Variants in NCOA6 observed in about 807,000 individuals in gnomAD.
NCOA6 encodes nuclear receptor coactivator 6.
NCOA6 carries 49 observed loss-of-function variants against 171.4 expected under a neutral mutation model. The observed-to-expected ratio is 0.29, with a 90% CI of 0.23 to 0.36. The LOEUF is 0.36. Ranked by LOEUF, NCOA6 falls within the 10% of genes least tolerant of loss-of-function variation. The pLI, the probability that NCOA6 is intolerant of heterozygous loss-of-function variation, is 1.00. For missense variants in NCOA6, 2,248 were observed against 2,554.5 expected (o/e 0.88, Z 2.59); for synonymous variants, 910 against 927.5 (o/e 0.98, Z 0.34).
At chr20:34,800,850 C>G (rs190517030) in intron 1 of NCOA6, among the ~76,000 whole-genome samples, 1 of 152,140 alleles carries the variant, frequency 6.6e-6, no homozygotes, top group African/African-American at 2.4e-5. Context: ...ATCTGCACTA[C>G]AGACTACATG....
chr20:34,739,030 T>C (rs776088195), intron 11 of NCOA6: 11 of 435,966 alleles, frequency 2.5e-5, no homozygotes, highest in African/African-American at 4.0e-5. Flanking sequence ...TCTGGGGAAA[T>C]AGAGCTTCTT....
chr20:34,802,816 T>A (rs904951232), intron 1 of NCOA6, among the ~76,000 whole-genome samples: 1 of 152,056 alleles, frequency 6.6e-6, no homozygotes, highest in African/African-American at 2.4e-5. Flanking sequence ...CACATTTTTG[T>A]TTGTTTTAGT....
At chr20:34,819,091 G>A (rs567667399) in intron 1 of NCOA6, among the ~76,000 whole-genome samples, 8 of 152,088 alleles carry the variant, frequency 5.3e-5, no homozygotes, top group Non-Finnish European at 1.2e-4. Flanking sequence ...CTTAGAAATA[G>A]GTTTTAGTAT....
intron 10 of NCOA6, 105 bp from the exon 11 acceptor site, chr20:34,743,446 G>A: frequency 3.3e-6 from 4 of 1,214,286 alleles, no homozygotes; most frequent in Non-Finnish European, 4.6e-6. Flanking sequence ...CACAGACTAT[G>A]CACAAACAGC....
rs1321460684 is a variant in NCOA6 at position 34,776,365 on chromosome 20, G to A, written c.319C>T (p.Arg107Trp). The change falls in exon 4 of 15, where the codon CGG becomes TGG. Residue 107 changes from arginine (R) to tryptophan (W), a missense_variant. Arg to Trp is a moderately radical substitution (Grantham distance 101). Transcript: ENST00000359003. Reference protein sequence around the residue: ...TFNIPREAAERLRILAQSNNQ... With the variant: ...TFNIPREAAEWLRILAQSNNQ... ...TTGCTCTGAGCAAGGATCCGTAGCC[G>A]CTCCGCTGCTTCCCGGGGGATGTTG... 2.5e-6 allele frequency: 4 copies of A among 1,614,018 alleles called. No homozygotes were observed. The highest frequency in any genetic ancestry group is 3.4e-6 in the Non-Finnish European group (4 of 1,180,040).
At chr20:34,735,505 C>A (rs182291769) in intron 12 of NCOA6, among the ~76,000 whole-genome samples, 1 of 152,120 alleles carries the variant, frequency 6.6e-6, no homozygotes, top group African/African-American at 2.4e-5. Flanking sequence ...ATTAGCCAGG[C>A]TGGTGGCGGG....
chr20:34,764,108 G>A lies in NCOA6; in HGVS notation c.514+4356C>T, dbSNP rs1232829705. 7.5e-5 allele frequency among the ~76,000 whole-genome samples: 10 copies of A among 133,098 alleles called. No individual in the cohort carries two copies. The Admixed American group carries it at 8.4e-4, about 11-fold the overall frequency. The allele number at this position is 133,098 out of a possible 152,430, so 87.3% of individuals were successfully genotyped here. On this transcript the variant is annotated intron_variant, in intron 5 of 14. Transcript: ENST00000359003. Reference sequence around the variant, plus strand: ...TACATTTTTTTTTTTTGTTTTTTGAGAGGGAGTCTTGCTATGTCACCCAGG... The same window carrying A: ...TACATTTTTTTTTTTTGTTTTTTGAAAGGGAGTCTTGCTATGTCACCCAGG...
chr20:34,749,349 T>C, intron 9 of NCOA6, 54 bp downstream of exon 9: 1 of 1,531,134 alleles, frequency 6.5e-7, no homozygotes, highest in Non-Finnish European at 8.8e-7. Context: ...TCAAAAAAGT[T>C]ATCCACACAG....
chr20:34,758,685 AAAG>A, intron 6 of NCOA6, 117 bp downstream of exon 6: 1 of 1,309,430 alleles, frequency 7.6e-7, no homozygotes. Context: ...CAGATTTTGT[AAAG>A]AAGGTTGACA....
intron 5 of NCOA6, among the ~76,000 whole-genome samples, chr20:34,764,164 T>A (rs1234289708): frequency 6.6e-6 from 1 of 151,598 alleles, no homozygotes; most frequent in Non-Finnish European, 1.5e-5. Flanking sequence ...CTCGGCTCAC[T>A]GCAAGCTCCG....
chr20:34,794,227 G>C (rs1199125915), intron 1 of NCOA6, among the ~76,000 whole-genome samples: 2 of 152,068 alleles, frequency 1.3e-5, no homozygotes, highest in Non-Finnish European at 2.9e-5. Flanking sequence ...TCAAGGCTGT[G>C]GTGAGCTATA....
At chr20:34,803,784 T>A (rs1228401380) in intron 1 of NCOA6, among the ~76,000 whole-genome samples, 1 of 151,534 alleles carries the variant, frequency 6.6e-6, no homozygotes, top group Admixed American at 6.6e-5. Context: ...TCACTTGAGG[T>A]CAGGAGTTCG....
intron 3 of NCOA6, among the ~76,000 whole-genome samples, chr20:34,780,537 A>C (rs1171754971): frequency 1.3e-5 from 2 of 152,090 alleles, no homozygotes; most frequent in African/African-American, 4.8e-5. Context: ...TTTTTAGTAG[A>C]CAAGGTTTCA....
intron 13 of NCOA6, among the ~76,000 whole-genome samples, chr20:34,730,260 A>AT (rs942243146): frequency 4.7e-5 from 7 of 147,776 alleles, no homozygotes; most frequent in South Asian, 4.3e-4. Flanking sequence ...TTTATTTTTT[A>AT]TTTTTTTTTC....
At chr20:34,794,622 CT>C (rs1173242168) in intron 1 of NCOA6, among the ~76,000 whole-genome samples, 1 of 151,952 alleles carries the variant, frequency 6.6e-6, no homozygotes, top group African/African-American at 2.4e-5. Context: ...CCTTGTGCTA[CT>C]TTTTTTGGGG....
intron 2 of NCOA6, among the ~76,000 whole-genome samples, chr20:34,786,745 T>C (rs1281262277): frequency 6.6e-6 from 1 of 152,178 alleles, no homozygotes; most frequent in Middle Eastern, 3.2e-3. Context: ...ATTTAATAAA[T>C]GGTGCTGAAA....
At chr20:34,771,714 C>G (rs953198250) in intron 4 of NCOA6, among the ~76,000 whole-genome samples, 1 of 152,168 alleles carries the variant, frequency 6.6e-6, no homozygotes, top group South Asian at 2.1e-4. Flanking sequence ...GCTTCTCACC[C>G]CAAGGCCTTT....
intron 9 of NCOA6, among the ~76,000 whole-genome samples, chr20:34,748,134 A>C (rs537180787): frequency 6.6e-6 from 1 of 152,290 alleles, no homozygotes; most frequent in East Asian, 1.9e-4. Context: ...GATGGCAAAA[A>C]ATACACACTA....
Position 34,742,204 on chromosome 20 carries a change from G to A in NCOA6, c.4052C>T (p.Ala1351Val), listed in dbSNP as rs1460509781. Residue 1351 changes from alanine (A) to valine (V), a missense_variant, in exon 11 of 15, where the codon GCC becomes GTC. Transcript: ENST00000359003. The stretch of plus-strand genomic sequence containing the variant: ...CTGAGAGGCCAGAGTAAGTTTAGGG[G>A]CTTTTGAATTTTGCCTCCCAGGGCT... ...TPSPGRQNSK[A>V]PKLTLASQTN... 5.6e-6 allele frequency: 9 copies of A among 1,614,194 alleles called. No homozygotes were observed. Among genetic ancestry groups the A allele is most frequent in the Non-Finnish European group, 6.8e-6 (8 of 1,180,042 alleles).
Sources: gnomAD v4.1 joint callset for allele counts (sites outside exome capture counted in the v4.1 genomes callset) on GRCh38, gnomAD v4.1.1 for gene constraint, MANE v1.5 for transcripts, NCBI Gene and HGNC (gene_info 2026-07-23, HGNC 2026-07-21) for gene names.